The following RIMS2 variants were observed in gnomAD, a reference collection of about 807,000 sequenced individuals.
RIMS2 encodes regulating synaptic membrane exocytosis protein 2.
A neutral mutation model predicts 174.4 loss-of-function variants in RIMS2; 59 were observed. The ratio of observed to expected loss-of-function variants is 0.34; its 90% CI spans 0.27 to 0.42. RIMS2 has a LOEUF of 0.42. Among genes scored for constraint, RIMS2 ranks in the 10% least tolerant of loss-of-function variants. RIMS2 has a pLI of 1.00. For missense variants in RIMS2, 1,620 were observed against 1,666.3 expected (o/e 0.97, Z 0.48); for synonymous variants, 606 against 572.5 (o/e 1.06, Z -0.84).
intron 16 of RIMS2, among the ~76,000 whole-genome samples, chr8:103,981,135 G>A (rs2093869929): frequency 6.6e-6 from 1 of 152,178 alleles, no homozygotes; most frequent in African/African-American, 2.4e-5. Context: ...AAGACCCAAT[G>A]CTGTTCTGGC....
At chr8:103,712,212 C>T (rs1002076119) in intron 2 of RIMS2, among the ~76,000 whole-genome samples, 1 of 149,158 alleles carries the variant, frequency 6.7e-6, no homozygotes, top group Non-Finnish European at 1.5e-5. Context: ...GTCTCGCCAC[C>T]TTGCCCAGGA....
intron 14 of RIMS2, among the ~76,000 whole-genome samples, chr8:103,957,492 T>C (rs1223620544): frequency 6.6e-6 from 1 of 152,092 alleles, no homozygotes; most frequent in Non-Finnish European, 1.5e-5. Context: ...TCATTCTCAG[T>C]AAACTAACAC....
At chr8:103,877,915 AT>A (rs2099148983) in intron 3 of RIMS2, among the ~76,000 whole-genome samples, 1 of 151,390 alleles carries the variant, frequency 6.6e-6, no homozygotes, top group South Asian at 2.1e-4. Context: ...ACTTTCATCA[AT>A]GTTTTGTAGT....
intron 1 of RIMS2, among the ~76,000 whole-genome samples, chr8:103,523,334 T>C (rs1279761211): frequency 6.6e-6 from 1 of 151,976 alleles, no homozygotes; most frequent in Non-Finnish European, 1.5e-5. Flanking sequence ...AAAGATGTGA[T>C]TGACTTTGAC....
intron 19 of RIMS2, among the ~76,000 whole-genome samples, chr8:104,098,287 T>G (rs982931169): frequency 6.6e-6 from 1 of 152,122 alleles, no homozygotes; most frequent in African/African-American, 2.4e-5. Context: ...ATGTTAAAAT[T>G]TCTAAGCCTG....
intron 3 of RIMS2, among the ~76,000 whole-genome samples, chr8:103,782,533 G>C (rs745788155): frequency 1.4e-4 from 21 of 151,474 alleles, no homozygotes; most frequent in Non-Finnish European, 2.5e-4. Flanking sequence ...ACAATCACTT[G>C]GTTAAAGAAT....
chr8:103,839,457 T>C (rs930334066), intron 3 of RIMS2, among the ~76,000 whole-genome samples: 9 of 152,174 alleles, frequency 5.9e-5, no homozygotes, highest in African/African-American at 2.2e-4. Flanking sequence ...TTTTTTTTTC[T>C]TTGTCATAGG....
intron 19 of RIMS2, among the ~76,000 whole-genome samples, chr8:104,188,097 C>T (rs906558871): frequency 2.6e-5 from 4 of 151,632 alleles, no homozygotes; most frequent in African/African-American, 9.7e-5. Context: ...TAGCCTAACA[C>T]TTTGTTCAAT....
rs567128160 is a variant in RIMS2, at chr8:103,530,895, A to G, written c.176+29833A>G. Among the ~76,000 whole-genome samples the G allele has an allele frequency of 5.9e-5, 9 of 152,118 alleles. 1 individual carries two copies. In the South Asian group the frequency reaches 1.9e-3, roughly 32 times the overall value. On this transcript the variant is annotated intron_variant, in intron 1 of 23. Transcript: ENST00000504942. ...TTTCTTGCTTTGAAGTGCTGGTTAC[A>G]TGGATGTATTAAATGTGAAAATTTA... is the stretch of plus-strand genomic sequence containing the variant.
intron 1 of RIMS2, among the ~76,000 whole-genome samples, chr8:103,540,724 T>C (rs950272665): frequency 1.3e-5 from 2 of 152,080 alleles, no homozygotes; most frequent in African/African-American, 4.8e-5. Flanking sequence ...TTTTAAGGAA[T>C]CTCAGCAAAT....
chr8:104,252,795 G>A (rs2099362214), downstream of RIMS2: 1 of 152,038 alleles, frequency 6.6e-6, no homozygotes, highest in Non-Finnish European at 1.5e-5. Flanking sequence ...CAAATCTTAT[G>A]AAGTTCAATA....
intron 1 of RIMS2, among the ~76,000 whole-genome samples, chr8:103,515,236 T>A (rs1286304864): frequency 3.3e-5 from 5 of 152,334 alleles, no homozygotes; most frequent in Admixed American, 2.6e-4. Flanking sequence ...AGGACTCATA[T>A]TGTAACATTT....
chr8:104,252,059 G>A (rs1588303735), downstream of RIMS2: 3 of 541,190 alleles, frequency 5.5e-6, no homozygotes, highest in East Asian at 2.9e-5. Context: ...AATGACACTC[G>A]AGTTCTGGTC....
intron 19 of RIMS2, among the ~76,000 whole-genome samples, chr8:104,183,172 A>G (rs1040264139): frequency 2.0e-5 from 3 of 151,760 alleles, no homozygotes; most frequent in African/African-American, 7.2e-5. Context: ...AAAGAATTAA[A>G]TTATCAAAGG....
intron 3 of RIMS2, among the ~76,000 whole-genome samples, chr8:103,858,298 T>G (rs1185913444): frequency 6.6e-6 from 1 of 152,128 alleles, no homozygotes; most frequent in Non-Finnish European, 1.5e-5. Context: ...ATCCCAGTCA[T>G]GTCTATCATA....
chr8:103,893,643 A>G (rs2099260442), intron 4 of RIMS2, among the ~76,000 whole-genome samples: 1 of 152,134 alleles, frequency 6.6e-6, no homozygotes, highest in Non-Finnish European at 1.5e-5. Context: ...AAAAAACTTA[A>G]ATATTTTGTG....
chr8:104,143,585 A>G (rs755331504), intron 19 of RIMS2, among the ~76,000 whole-genome samples: 13 of 152,220 alleles, frequency 8.5e-5, no homozygotes, highest in Non-Finnish European at 1.9e-4. Context: ...TACCATGTTT[A>G]GGAGCTTGAC....
intron 3 of RIMS2, among the ~76,000 whole-genome samples, chr8:103,776,468 T>C (rs2098317871): frequency 6.6e-6 from 1 of 152,104 alleles, no homozygotes; most frequent in Non-Finnish European, 1.5e-5. Flanking sequence ...AGTCCTGTCA[T>C]AGAATGTACA....
intron 19 of RIMS2, among the ~76,000 whole-genome samples, chr8:104,202,291 G>T (rs1018019613): frequency 6.6e-6 from 1 of 152,142 alleles, no homozygotes; most frequent in African/African-American, 2.4e-5. Flanking sequence ...CTTTACAGCT[G>T]AATTTTATCA....
Sources: gnomAD v4.1 joint callset for allele counts (sites outside exome capture counted in the v4.1 genomes callset) on GRCh38, gnomAD v4.1.1 for gene constraint, MANE v1.5 for transcripts, NCBI Gene and HGNC (gene_info 2026-07-23, HGNC 2026-07-21) for gene names.